Variants in CAMTA1 observed in about 807,000 individuals in gnomAD.
CAMTA1 encodes the protein calmodulin binding transcription activator 1.
In CAMTA1, 27 loss-of-function variants were observed where a neutral mutation model predicts 170.9. That is an observed-to-expected ratio of 0.16 (90% CI 0.12 to 0.22). CAMTA1 has a LOEUF of 0.22. CAMTA1 is among the 10% of genes least tolerant of loss of function. The probability of loss-of-function intolerance (pLI) is 1.00; values close to 1 mark genes in which losing one functional copy is unlikely to be tolerated. For synonymous variants in CAMTA1, 833 were observed against 891.5 expected, an observed-to-expected ratio of 0.93 and a Z score of 1.17; for missense variants, 1,619 against 2,217.2, an observed-to-expected ratio of 0.73 and a Z score of 5.42.
intron 6 of CAMTA1, among the ~76,000 whole-genome samples, chr1:7,488,558 A>G (rs920079210): frequency 2.0e-5 from 3 of 152,136 alleles, no homozygotes; most frequent in Non-Finnish European, 2.9e-5. Context: ...ATCTGTACAC[A>G]TGCATGCACA....
chr1:7,306,623 GC>G (rs1675630227), intron 5 of CAMTA1, among the ~76,000 whole-genome samples: 2 of 151,774 alleles, frequency 1.3e-5, no homozygotes, highest in Admixed American at 1.3e-4. Context: ...TAATTACTTT[GC>G]CTTTCAGTAT....
At chr1:6,990,785 G>GTCTCTCTC (rs373182830) in intron 3 of CAMTA1, among the ~76,000 whole-genome samples, 1 of 141,474 alleles carries the variant, frequency 7.1e-6, no homozygotes, top group Admixed American at 7.1e-5. Context: ...CTCTCTCTCT[G>GTCTCTCTC]TCTCTCTCTC....
At chr1:7,359,227 G>C (rs761143453) in intron 5 of CAMTA1, among the ~76,000 whole-genome samples, 7 of 132,752 alleles carry the variant, frequency 5.3e-5, no homozygotes, top group Non-Finnish European at 8.3e-5. Context: ...CCAGGGGTCA[G>C]TGGGGAGCCA....
chr1:7,047,639 G>A (rs1237410803), intron 3 of CAMTA1, among the ~76,000 whole-genome samples: 2 of 151,920 alleles, frequency 1.3e-5, no homozygotes, highest in African/African-American at 2.4e-5. Context: ...TGTCTCCAAA[G>A]TGGTTGCATG....
At chr1:7,180,675 G>A (rs1446219095) in intron 4 of CAMTA1, among the ~76,000 whole-genome samples, 1 of 151,762 alleles carries the variant, frequency 6.6e-6, no homozygotes, top group East Asian at 1.9e-4. Context: ...CACCACAGTT[G>A]GCTAATTTTT....
intron 3 of CAMTA1, among the ~76,000 whole-genome samples, chr1:6,957,131 G>A (rs1167765048): frequency 6.6e-6 from 1 of 152,210 alleles, no homozygotes; most frequent in East Asian, 1.9e-4. Context: ...TGCTTCAGAT[G>A]CGCTCTTTGG....
chr1:7,468,883 A>C (rs2093273542), intron 6 of CAMTA1, among the ~76,000 whole-genome samples: 2 of 152,152 alleles, frequency 1.3e-5, no homozygotes, highest in Admixed American at 1.3e-4. Context: ...GTGCTATGAC[A>C]CAAGCTCAGG....
chr1:7,515,512 G>T (rs1287568130), intron 6 of CAMTA1, among the ~76,000 whole-genome samples: 1 of 152,170 alleles, frequency 6.6e-6, no homozygotes, highest in Non-Finnish European at 1.5e-5. Context: ...CCAGTCAGGG[G>T]TGGCTGCACA....
Position 7,636,733 on chromosome 1 carries a change from C to T in CAMTA1, c.511-3667C>T, listed in dbSNP as rs540806107. On this transcript the variant is annotated intron_variant, in intron 6 of 22. Transcript: ENST00000303635. ...TCAAAAAAAAAAAAAGGAAGGCTTC[C>T]CTGCCCTTTGTGGACCCAGAAAACT... is the stretch of plus-strand genomic sequence containing the variant. Among the ~76,000 whole-genome samples, 16 of 152,136 alleles carry T rather than the reference C, an allele frequency of 1.1e-4. No homozygotes were observed. In the South Asian group the frequency reaches 3.3e-3, roughly 32 times the overall value.
At chr1:7,535,004 G>A (rs1254704267) in intron 6 of CAMTA1, among the ~76,000 whole-genome samples, 5 of 152,072 alleles carry the variant, frequency 3.3e-5, no homozygotes, top group African/African-American at 1.2e-4. Flanking sequence ...GGAGGGCTAG[G>A]AAGATCCCAT....
chr1:6,851,099 C>T (rs750273030), intron 3 of CAMTA1, among the ~76,000 whole-genome samples: 17 of 152,106 alleles, frequency 1.1e-4, no homozygotes, highest in Non-Finnish European at 1.9e-4. Flanking sequence ...TGTTACTGAA[C>T]GCCAAGAGAA....
chr1:7,653,316 C>G (rs987631566), intron 7 of CAMTA1, among the ~76,000 whole-genome samples: 27 of 152,194 alleles, frequency 1.8e-4, no homozygotes, highest in Admixed American at 1.5e-3. Context: ...GGCTGGAGTG[C>G]AGTGGCCCGA....
intron 5 of CAMTA1, among the ~76,000 whole-genome samples, chr1:7,373,039 C>G (rs1338460639): frequency 6.6e-6 from 1 of 152,212 alleles, no homozygotes; most frequent in Non-Finnish European, 1.5e-5. Context: ...TCCTTCCACC[C>G]CAACATGTAG....
At chr1:7,187,306 G>A (rs1653555299) in intron 4 of CAMTA1, among the ~76,000 whole-genome samples, 1 of 152,138 alleles carries the variant, frequency 6.6e-6, no homozygotes, top group African/African-American at 2.4e-5. Context: ...GGTGGTGTCT[G>A]CATACTCACT....
At chr1:7,168,162 T>C (rs1321225514) in intron 4 of CAMTA1, among the ~76,000 whole-genome samples, 3 of 152,230 alleles carry the variant, frequency 2.0e-5, no homozygotes, top group Non-Finnish European at 4.4e-5. Flanking sequence ...TTGTTGCTAT[T>C]GTATATAAAT....
At chr1:7,709,604 C>T (rs1323311619) in intron 11 of CAMTA1, among the ~76,000 whole-genome samples, 1 of 152,204 alleles carries the variant, frequency 6.6e-6, no homozygotes, top group Non-Finnish European at 1.5e-5. Context: ...GTAAAATAGG[C>T]CTGACACCTG....
chr1:7,307,308 T>C (rs1460009994), intron 5 of CAMTA1, among the ~76,000 whole-genome samples: 4 of 147,984 alleles, frequency 2.7e-5, no homozygotes, highest in Non-Finnish European at 6.0e-5. Flanking sequence ...CTTGTGACCT[T>C]GCTAAACTCA....
intron 3 of CAMTA1, among the ~76,000 whole-genome samples, chr1:6,906,521 A>G (rs2412221): frequency 0.014 from 2,128 of 152,248 alleles, 48 homozygotes; most frequent in African/African-American, 0.048. Context: ...GCTGCAGGCA[A>G]TGGCGGGAGA....
At chr1:7,493,480 G>C (rs2995389) in intron 6 of CAMTA1, among the ~76,000 whole-genome samples, 99,997 of 151,020 alleles carry the variant, frequency 0.66, 34,255 homozygotes, top group African/African-American at 0.83. Context: ...CATATAAACA[G>C]GCGTGCACAC....
Sources: allele counts gnomAD v4.1 joint callset (sites outside exome capture counted in the v4.1 genomes callset), GRCh38; gene constraint gnomAD v4.1.1; transcripts MANE v1.5; gene names NCBI Gene and HGNC (gene_info 2026-07-23, HGNC 2026-07-21).